SMYD3: variants seen among roughly 807,000 people sequenced by gnomAD.
SMYD3 encodes the protein SET and MYND domain containing 3.
In SMYD3, 36 loss-of-function variants were observed where a neutral mutation model predicts 57.7. The observed-to-expected ratio is 0.62, with a 90% CI of 0.48 to 0.82. The LOEUF (loss-of-function observed/expected upper bound fraction) is 0.82, where lower values mean the gene tolerates loss of function less well. SMYD3 is among the 40% of genes least tolerant of loss of function. The pLI is 0.00. For missense variants in SMYD3, 515 were observed against 538.8 expected (o/e 0.96, Z 0.44); for synonymous variants, 211 against 195.0 (o/e 1.08, Z -0.68).
At chr1:245,988,778 C>A (rs1321942998) in intron 5 of SMYD3, among the ~76,000 whole-genome samples, 1 of 152,202 alleles carries the variant, frequency 6.6e-6, no homozygotes, top group Non-Finnish European at 1.5e-5. Flanking sequence ...GGAGGCTGAG[C>A]ATGTGTCCAA....
At chr1:245,814,844 G>GCACACACACA (rs1286772664) in intron 10 of SMYD3, among the ~76,000 whole-genome samples, 6 of 146,576 alleles carry the variant, frequency 4.1e-5, no homozygotes, top group Non-Finnish European at 6.0e-5. Flanking sequence ...GCACACACAT[G>GCACACACACA]CACGCACACA....
Position 246,050,106 on chromosome 1 carries a change from A to G in SMYD3, c.532-120169T>C, listed in dbSNP as rs186640671. Among the ~76,000 whole-genome samples, 415 of 152,336 alleles carry G rather than the reference A, an allele frequency of 2.7e-3. 4 individuals carry two copies. Among genetic ancestry groups the G allele is most frequent in the African/African-American group, 9.5e-3 (394 of 41,588 alleles). ...AGATTAGGGCCATAAACTACAAGCT[A>G]GTGTTCTTTTCACTTTGAAATGAAA... On this transcript the variant is annotated intron_variant, in intron 5 of 11. Coordinates refer to ENST00000490107, the MANE Select transcript of SMYD3 (RefSeq NM_001167740.2).
chr1:245,992,561 G>T lies in SMYD3; in HGVS notation c.532-62624C>A, dbSNP rs2058831122. Among the ~76,000 whole-genome samples the T allele has an allele frequency of 2.0e-5, 3 of 149,076 alleles. No individual in the cohort carries two copies. The South Asian group carries it at 6.6e-4, about 33-fold the overall frequency. On this transcript the variant is annotated intron_variant, in intron 5 of 11. Coordinates refer to ENST00000490107, the MANE Select transcript of SMYD3 (RefSeq NM_001167740.2). ...AATGGCGGTCATGGGGCCTGGAGTG[G>T]TCATGGATCGGCCACTTCTAGAATG...
intron 10 of SMYD3, among the ~76,000 whole-genome samples, chr1:245,811,934 T>C (rs925931426): frequency 3.9e-5 from 6 of 152,216 alleles, no homozygotes; most frequent in African/African-American, 1.2e-4. Flanking sequence ...TGGGTCTGTG[T>C]CCACTCCGAA....
intron 1 of SMYD3, among the ~76,000 whole-genome samples, chr1:246,478,166 A>T (rs1025613202): frequency 3.0e-4 from 45 of 152,226 alleles, no homozygotes; most frequent in Non-Finnish European, 5.1e-4. Flanking sequence ...AAAACAATTT[A>T]AAAAAATTAA....
intron 1 of SMYD3, among the ~76,000 whole-genome samples, chr1:246,493,308 A>C (rs2068300262): frequency 6.6e-6 from 1 of 152,102 alleles, no homozygotes; most frequent in South Asian, 2.1e-4. Flanking sequence ...CTCTGAAAAA[A>C]TAAATAAATA....
chr1:246,408,518 T>C (rs1346386660), intron 1 of SMYD3, among the ~76,000 whole-genome samples: 2 of 152,162 alleles, frequency 1.3e-5, no homozygotes, highest in African/African-American at 4.8e-5. Flanking sequence ...AAATCAGAGC[T>C]ACATGTCCTT....
At chr1:246,097,817 C>T (rs2060942364) in intron 5 of SMYD3, among the ~76,000 whole-genome samples, 1 of 152,138 alleles carries the variant, frequency 6.6e-6, no homozygotes, top group South Asian at 2.1e-4. Flanking sequence ...CATCAGCCTT[C>T]CTTAGTGACA....
chr1:245,895,808 T>A (rs906285831), intron 8 of SMYD3, among the ~76,000 whole-genome samples: 1 of 152,244 alleles, frequency 6.6e-6, no homozygotes, highest in Non-Finnish European at 1.5e-5. Flanking sequence ...GAAGCTGGGC[T>A]TCTTCAGGGC....
chr1:246,084,390 A>G (rs886756794), intron 5 of SMYD3, among the ~76,000 whole-genome samples: 1 of 151,574 alleles, frequency 6.6e-6, no homozygotes, highest in Non-Finnish European at 1.5e-5. Context: ...TATTTTTTGT[A>G]TTTTTTGTAG....
chr1:246,003,825 A>G (rs2059123579), intron 5 of SMYD3, among the ~76,000 whole-genome samples: 1 of 152,222 alleles, frequency 6.6e-6, no homozygotes, highest in South Asian at 2.1e-4. Flanking sequence ...CAGTTTTCCC[A>G]TGTGATTCTC....
At chr1:245,985,782 C>T (rs1373789471) in intron 5 of SMYD3, among the ~76,000 whole-genome samples, 1 of 152,012 alleles carries the variant, frequency 6.6e-6, no homozygotes, top group African/African-American at 2.4e-5. Flanking sequence ...TATTTTATTC[C>T]CTCTGCTTGG....
At chr1:245,848,358 G>C (rs1327490092) in intron 10 of SMYD3, among the ~76,000 whole-genome samples, 2 of 151,584 alleles carry the variant, frequency 1.3e-5, no homozygotes, top group East Asian at 3.9e-4. Flanking sequence ...GGGCTCAAGT[G>C]ATCTGCCCAC....
At chr1:246,124,407 G>GT (rs1052876753) in intron 5 of SMYD3, among the ~76,000 whole-genome samples, 5 of 152,132 alleles carry the variant, frequency 3.3e-5, no homozygotes, top group African/African-American at 9.6e-5. Context: ...AGCTGTACGA[G>GT]TTTTTTTTAA....
At chr1:246,247,893 C>G (rs992264162) in intron 5 of SMYD3, among the ~76,000 whole-genome samples, 3 of 152,144 alleles carry the variant, frequency 2.0e-5, no homozygotes, top group Non-Finnish European at 4.4e-5. Flanking sequence ...CCTGGATTAG[C>G]GAGCGGTTAT....
intron 1 of SMYD3, chr1:246,426,269 A>G (rs1481137466): frequency 1.3e-5 from 2 of 152,228 alleles, no homozygotes; most frequent in Non-Finnish European, 2.9e-5. Context: ...TACATGCCAT[A>G]AAATTCACTG....
intron 5 of SMYD3, among the ~76,000 whole-genome samples, chr1:245,995,694 C>T (rs1174260826): frequency 6.6e-6 from 1 of 152,228 alleles, no homozygotes; most frequent in Non-Finnish European, 1.5e-5. Context: ...GCCTGCAGGG[C>T]TGACGGAGCA....
intron 5 of SMYD3, among the ~76,000 whole-genome samples, chr1:246,244,943 G>A (rs1207665408): frequency 6.6e-6 from 1 of 151,990 alleles, no homozygotes; most frequent in African/African-American, 2.4e-5. Context: ...TCTTCAAAAC[G>A]CTGAAGTTTC....
At position 246,187,022 on chromosome 1, in the gene SMYD3, T is replaced by C. The variant is rs989056959; in HGVS notation, c.531+140179A>G. On this transcript the variant is annotated intron_variant, in intron 5 of 11. Transcript: ENST00000490107. Reference sequence around the variant, plus strand: ...ACAAACATACAAAGTAGGTGTGATGTGCTAGATAACGAGGTGATGTGCTGA... The same window carrying C: ...ACAAACATACAAAGTAGGTGTGATGCGCTAGATAACGAGGTGATGTGCTGA... 1.6e-5 allele frequency: 12 copies of C among 768,412 alleles called. No individual in the cohort carries two copies. The African/African-American group carries it at 2.1e-4, about 13-fold the overall frequency. 47.6% of individuals were successfully genotyped at this position (768,412 alleles called of 1,614,324 possible). A position where few individuals can be genotyped will look rare whatever the true frequency, so the allele number is the denominator to read the frequency against.
Sources: gnomAD v4.1 joint callset for allele counts (sites outside exome capture counted in the v4.1 genomes callset) on GRCh38, gnomAD v4.1.1 for gene constraint, MANE v1.5 for transcripts, NCBI Gene and HGNC (gene_info 2026-07-23, HGNC 2026-07-21) for gene names.